TRIM9: variants seen among roughly 807,000 people sequenced by gnomAD.
TRIM9 encodes the protein tripartite motif containing 9.
TRIM9 carries 26 observed loss-of-function variants against 78.3 expected under a neutral mutation model. That is an observed-to-expected ratio of 0.33 (90% CI 0.24 to 0.46). The LOEUF (loss-of-function observed/expected upper bound fraction) is 0.46, where lower values mean the gene tolerates loss of function less well. Among genes scored for constraint, TRIM9 ranks in the 20% least tolerant of loss-of-function variants. TRIM9 has a pLI of 1.00. For synonymous variants in TRIM9, 398 were observed against 416.5 expected, an observed-to-expected ratio of 0.96 and a Z score of 0.54; for missense variants, 787 against 1,036.4, an observed-to-expected ratio of 0.76 and a Z score of 3.30.
intron 1 of TRIM9, among the ~76,000 whole-genome samples, chr14:51,076,491 T>A (rs1366110164): frequency 6.6e-6 from 1 of 152,214 alleles, no homozygotes. Context: ...TTCCATGCTT[T>A]AGGTACCCCT....
chr14:51,076,363 C>T (rs1315868656), intron 1 of TRIM9, among the ~76,000 whole-genome samples: 4 of 152,286 alleles, frequency 2.6e-5, no homozygotes, highest in African/African-American at 9.6e-5. Context: ...TCCTTTCCTC[C>T]ATTCCTCCAT....
chr14:51,039,303 T>C (rs1020611146), intron 1 of TRIM9, among the ~76,000 whole-genome samples: 17 of 152,224 alleles, frequency 1.1e-4, no homozygotes, highest in Admixed American at 3.9e-4. Context: ...CCCAACTCTA[T>C]GTGATAGCAT....
intron 7 of TRIM9, chr14:50,996,985 G>A (rs1329908850): frequency 1.0e-6 from 1 of 985,368 alleles, no homozygotes; most frequent in Non-Finnish European, 1.2e-6. Flanking sequence ...ACATGTTGAG[G>A]TTTGTGGGAA....
Position 51,094,202 on chromosome 14 carries a change from C to A in TRIM9, c.738G>T (p.Met246Ile). 6.2e-7 allele frequency: 1 copy of A among 1,614,222 alleles called. No homozygotes were observed. The highest frequency in any genetic ancestry group is 8.5e-7 in the Non-Finnish European group (1 of 1,180,040). The part of the protein sequence containing the change: ...NHSMYCVQCK[M>I]PVCYQCLEEG... ...CCTCCAAGCACTGGTAGCACACGGGCATCTTGCATTGCACGCAGTACATGC... is the reference window on the plus strand; with the variant it reads ...CCTCCAAGCACTGGTAGCACACGGGAATCTTGCATTGCACGCAGTACATGC... Residue 246 changes from methionine to isoleucine, a missense_variant, in exon 1 of 13, where the codon ATG (methionine) becomes ATT (isoleucine). By Grantham distance (10) the Met-to-Ile change is conservative (BLOSUM62 1). Transcript: ENST00000684578.
intron 1 of TRIM9, among the ~76,000 whole-genome samples, chr14:51,052,162 A>G (rs1036987853): frequency 1.3e-5 from 2 of 152,164 alleles, no homozygotes; most frequent in African/African-American, 4.8e-5. Context: ...ACTGGATTCC[A>G]TTAACATCAT....
chr14:51,006,904 T>C (rs2055879821), intron 5 of TRIM9, among the ~76,000 whole-genome samples: 1 of 152,164 alleles, frequency 6.6e-6, no homozygotes, highest in Non-Finnish European at 1.5e-5. Context: ...GACAGTGCTT[T>C]AGAAATGTGG....
Position 51,018,696 on chromosome 14 carries a change from G to A in TRIM9, c.1041+4139C>T, listed in dbSNP as rs918313550. ...CTCAGTAAATATTAATATGAAGACT[G>A]CGCAACATGGTAAGCTTTCTCATCA... is the stretch of plus-strand genomic sequence containing the variant. On this transcript the variant is annotated intron_variant, in intron 3 of 12. Coordinates refer to ENST00000684578, the MANE Select transcript of TRIM9 (RefSeq NM_001387360.1). Among the ~76,000 whole-genome samples the A allele has an allele frequency of 5.9e-5, 9 of 152,290 alleles. No homozygotes were observed. In the East Asian group the frequency reaches 1.7e-3, roughly 29 times the overall value.
intron 1 of TRIM9, among the ~76,000 whole-genome samples, chr14:51,056,813 T>G (rs978816920): frequency 6.6e-6 from 1 of 152,252 alleles, no homozygotes; most frequent in African/African-American, 2.4e-5. Context: ...ATTGCTGTCT[T>G]GTCACACAAA....
intron 3 of TRIM9, among the ~76,000 whole-genome samples, chr14:51,017,989 A>G (rs1383174236): frequency 1.6e-5 from 2 of 125,708 alleles, no homozygotes; most frequent in Non-Finnish European, 3.6e-5. Context: ...AAAGGAATTC[A>G]TCATTCATGA....
Position 51,052,272 on chromosome 14 carries a change from C to T in TRIM9, c.823-26912G>A, listed in dbSNP as rs75855232. Among the ~76,000 whole-genome samples, 1,201 of 152,094 alleles carry T rather than the reference C, an allele frequency of 7.9e-3. 27 individuals carry two copies. Among genetic ancestry groups the T allele is most frequent in the African/African-American group, 0.027 (1,136 of 41,496 alleles). On this transcript the variant is annotated intron_variant, in intron 1 of 12. Transcript: ENST00000684578. ...AAATAAATGTTGTAAAGCAAACTAC[C>T]AACTCCCTATCACTTGAGGGGACGC...
In TRIM9 at chr14:51,059,808, A is replaced by AC. The variant is rs1382166570; in HGVS notation, c.822+34309_822+34310insG. 3.8e-4 allele frequency among the ~76,000 whole-genome samples: 58 copies of AC among 151,698 alleles called. 1 individual carries two copies. The highest frequency in any genetic ancestry group is 8.5e-4 in the Admixed American group (13 of 15,246). Reference sequence around the variant, plus strand: ...GTGAGACTCTGTCTCAAAAAAAAAAAAACAAAAAAAACACAAAAAAACAAA... The same window carrying AC: ...GTGAGACTCTGTCTCAAAAAAAAAAACAACAAAAAAAACACAAAAAAACAAA... On this transcript the variant is annotated intron_variant, in intron 1 of 12. Transcript: ENST00000684578.
chr14:50,995,188 T>A (rs1431794099), intron 7 of TRIM9, among the ~76,000 whole-genome samples: 1 of 152,196 alleles, frequency 6.6e-6, no homozygotes, highest in Non-Finnish European at 1.5e-5. Context: ...TCTTTATAAT[T>A]TCCATTGAAT....
intron 3 of TRIM9, among the ~76,000 whole-genome samples, chr14:51,022,187 T>A (rs1472124724): frequency 6.6e-6 from 1 of 152,236 alleles, no homozygotes; most frequent in Non-Finnish European, 1.5e-5. Context: ...TATAAAAGTA[T>A]TAAGAGGTGG....
chr14:51,053,749 C>T (rs933856291), intron 1 of TRIM9, among the ~76,000 whole-genome samples: 7 of 147,770 alleles, frequency 4.7e-5, no homozygotes, highest in South Asian at 2.1e-4. Flanking sequence ...CCTCCCCGCT[C>T]CCCCGACCCC....
Position 51,025,261 on chromosome 14 carries a change from A to C in TRIM9, c.918+4T>G. Reference sequence around the variant, plus strand: ...TTTCCTTGCGTCCCAGGTAACACCCATACCTGGATCTGCTGGACCATGTTG... The same window carrying C: ...TTTCCTTGCGTCCCAGGTAACACCCCTACCTGGATCTGCTGGACCATGTTG... On this transcript the variant is annotated splice_donor_region_variant and intron_variant, in intron 2 of 12. Transcript: ENST00000684578. 6.2e-7 allele frequency: 1 copy of C among 1,613,666 alleles called. No individual in the cohort carries two copies. Among genetic ancestry groups the C allele is most frequent in the Non-Finnish European group, 8.5e-7 (1 of 1,179,550 alleles).
chr14:50,997,885 A>G, intron 7 of TRIM9, 165 bp downstream of exon 7: 1 of 1,459,268 alleles, frequency 6.9e-7, no homozygotes. Flanking sequence ...CACATACCAT[A>G]GGCTCTCTAA....
intron 1 of TRIM9, among the ~76,000 whole-genome samples, chr14:51,066,083 A>AGGGAGGGAGGGAGGGACGGAG (rs2061708273): frequency 1.4e-5 from 1 of 69,732 alleles, no homozygotes; most frequent in Non-Finnish European, 2.7e-5. Context: ...GAAGGAAGGA[A>AGGGAGGGAGGGAGGGACGGAG]GGAAGGAGGG....
intron 1 of TRIM9, among the ~76,000 whole-genome samples, chr14:51,042,641 G>A (rs997169493): frequency 6.6e-6 from 1 of 152,116 alleles, no homozygotes; most frequent in Non-Finnish European, 1.5e-5. Flanking sequence ...TATCTTTTTA[G>A]GATGAAGTCT....
At chr14:51,000,992 A>T (rs1458607632) in intron 5 of TRIM9, 152 bp from the exon 6 acceptor site, 2 of 903,068 alleles carry the variant, frequency 2.2e-6, no homozygotes, top group Non-Finnish European at 3.3e-6. Context: ...CAGAGTCCCC[A>T]GGAGTCAGAC....
Sources: gnomAD v4.1 joint callset for allele counts (sites outside exome capture counted in the v4.1 genomes callset) on GRCh38, gnomAD v4.1.1 for gene constraint, MANE v1.5 for transcripts, NCBI Gene and HGNC (gene_info 2026-07-23, HGNC 2026-07-21) for gene names.